The following LRRC40 variants were observed in gnomAD, a reference collection of about 807,000 sequenced individuals.
LRRC40 encodes leucine rich repeat containing 40.
Under a neutral mutation model 72.8 loss-of-function variants are expected in LRRC40, and 76 were observed. The observed-to-expected ratio is 1.04, with a 90% confidence interval of 0.87 to 1.26. LRRC40 has a LOEUF of 1.26. LRRC40 is among the 50% of genes most tolerant of loss of function. LRRC40 has a pLI of 0.00. For synonymous variants in LRRC40, 243 were observed against 254.2 expected, an observed-to-expected ratio of 0.96 and a Z score of 0.42; for missense variants, 684 against 698.9, an observed-to-expected ratio of 0.98 and a Z score of 0.24.
chr1:70,161,468 T>C (rs1232172589), intron 9 of LRRC40, among the ~76,000 whole-genome samples: 4 of 148,968 alleles, frequency 2.7e-5, no homozygotes, highest in Non-Finnish European at 4.5e-5. Flanking sequence ...AGGAGAATGG[T>C]GTGAAGCCGG....
At chr1:70,175,245 G>A (rs1166193200) in intron 7 of LRRC40, among the ~76,000 whole-genome samples, 1 of 152,136 alleles carries the variant, frequency 6.6e-6, no homozygotes, top group Non-Finnish European at 1.5e-5. Flanking sequence ...TTGAATGTCA[G>A]GCTAAAAAGT....
chr1:70,199,213 T>TCACACA (rs1301228532), intron 1 of LRRC40, among the ~76,000 whole-genome samples: 15 of 81,910 alleles, frequency 1.8e-4, no homozygotes, highest in African/African-American at 8.5e-4. Flanking sequence ...TTATACATAG[T>TCACACA]CTCACACACA....
intron 5 of LRRC40, chr1:70,180,103 AG>A (rs1292310866): frequency 1.3e-5 from 2 of 152,160 alleles, no homozygotes; most frequent in African/African-American, 4.8e-5. Context: ...ACAAAATAAC[AG>A]TTTTTTTATT....
Position 70,173,522 on chromosome 1 carries a change from G to C in LRRC40, c.1066-12C>G. On this transcript the variant is annotated splice_polypyrimidine_tract_variant and intron_variant, in intron 8 of 14. Coordinates refer to ENST00000370952, the MANE Select transcript of LRRC40 (RefSeq NM_017768.5). ...TCTTGTGTTCCTTTCTAGAAGGGTG[G>C]AGACAAAGACATTCACCAAGACATG... is the stretch of plus-strand genomic sequence containing the variant. 6.2e-7 allele frequency: 1 copy of C among 1,601,544 alleles called. No homozygotes were observed.
intron 9 of LRRC40, among the ~76,000 whole-genome samples, chr1:70,168,658 G>A (rs1249599573): frequency 6.6e-6 from 1 of 152,220 alleles, no homozygotes; most frequent in Non-Finnish European, 1.5e-5. Flanking sequence ...CTGTATACAA[G>A]CAGACTGTAC....
At chr1:70,159,210 C>A in intron 10 of LRRC40, 120 bp downstream of exon 10, 1 of 426,188 alleles carries the variant, frequency 2.3e-6, no homozygotes, top group East Asian at 3.6e-5. Flanking sequence ...AGCCTATAAT[C>A]CTAGCACTTT....
chr1:70,184,652 A>G, intron 4 of LRRC40, 133 bp downstream of exon 4: 1 of 851,300 alleles, frequency 1.2e-6, no homozygotes, highest in Non-Finnish European at 1.8e-6. Flanking sequence ...ATTGAAATGC[A>G]CATTTCTGAT....
intron 7 of LRRC40, among the ~76,000 whole-genome samples, chr1:70,175,220 G>C (rs189159103): frequency 4.6e-5 from 7 of 152,282 alleles, no homozygotes; most frequent in Non-Finnish European, 1.0e-4. Flanking sequence ...AATTAAGTCT[G>C]ATTGTAAGGC....
Position 70,148,633 on chromosome 1 carries a change from T to C in LRRC40, c.1557A>G (p.Thr519=). ...MLPEVLYRIF[T]LETILISNNQ... is the part of the protein sequence containing the mutation. ...TATTACTAATCAGAATTGTTTCAAG[T>C]GTGAAGATACGATATAGAACTTCAG... The change falls in exon 14 of 15, where the codon ACA becomes ACG. Residue 519 remains threonine, a synonymous_variant. Coordinates refer to ENST00000370952, the MANE Select transcript of LRRC40 (RefSeq NM_017768.5). The C allele has an allele frequency of 3.1e-6, 5 of 1,612,426 alleles. No individual in the cohort carries two copies. The highest frequency in any genetic ancestry group is 3.4e-6 in the Non-Finnish European group (4 of 1,178,822).
At chr1:70,156,403 T>C (rs1259288279) in intron 10 of LRRC40, among the ~76,000 whole-genome samples, 1 of 152,132 alleles carries the variant, frequency 6.6e-6, no homozygotes, top group African/African-American at 2.4e-5. Context: ...CTACCATTAA[T>C]GAGCTTTATA....
Position 70,196,388 on chromosome 1 carries a change from A to G in LRRC40, c.152-7115T>C, listed in dbSNP as rs182617124. The stretch of plus-strand genomic sequence containing the variant: ...AAAAGAGCAAGACTTCGTCTCTATT[A>G]AAAACAAAAAAATTAGCCAGGCATG... On this transcript the variant is annotated intron_variant, in intron 1 of 14. Transcript: ENST00000370952. Among the ~76,000 whole-genome samples, 146 of 152,264 alleles carry G rather than the reference A, an allele frequency of 9.6e-4. 1 individual carries two copies. The highest frequency in any genetic ancestry group is 1.8e-3 in the Admixed American group (27 of 15,304).
chr1:70,173,670 C>A lies in LRRC40; in HGVS notation c.1017G>T (p.Leu339Phe). 6.4e-7 allele frequency: 1 copy of A among 1,567,708 alleles called. No homozygotes were observed. Among genetic ancestry groups the A allele is most frequent in the Non-Finnish European group, 8.7e-7 (1 of 1,149,366 alleles). ...YSLGNLHLKF[L>F]ALEGNPLRTI... ...TTCTCAAAGGATTTCCTTCTAATGC[C>A]AAAAATTTCAAATGAAGGTTCCCCA... The change falls in exon 8 of 15, where the codon TTG becomes TTT. Residue 339 changes from leucine to phenylalanine, a missense_variant. Transcript: ENST00000370952.
chr1:70,157,087 A>G (rs1304319104), intron 10 of LRRC40, among the ~76,000 whole-genome samples: 2 of 152,214 alleles, frequency 1.3e-5, no homozygotes, highest in African/African-American at 4.8e-5. Context: ...CGGAATGCCA[A>G]ATGAATGACT....
intron 1 of LRRC40, among the ~76,000 whole-genome samples, chr1:70,197,202 T>C (rs1668630676): frequency 7.9e-6 from 1 of 126,340 alleles, no homozygotes; most frequent in Non-Finnish European, 1.6e-5. Flanking sequence ...CCAACATGAG[T>C]ACAGGCTTCC....
chr1:70,148,644 G>A lies in LRRC40; in HGVS notation c.1546C>T (p.Arg516Cys), dbSNP rs760500758. ...AGAATTGTTTCAAGTGTGAAGATAC[G>A]ATATAGAACTTCAGGTAGCATTTTA... ...RFKMLPEVLY[R>C]IFTLETILIS... The change falls in exon 14 of 15, where the codon CGT (arginine) becomes TGT (cysteine). Residue 516 changes from arginine (R) to cysteine (C), a missense_variant. Arg to Cys is a radical substitution (Grantham distance 180). Coordinates refer to ENST00000370952, the MANE Select transcript of LRRC40 (RefSeq NM_017768.5). The A allele has an allele frequency of 1.2e-5, 19 of 1,609,858 alleles. 1 individual carries two copies. Among genetic ancestry groups the A allele is most frequent in the South Asian group, 8.8e-5 (8 of 90,712 alleles).
intron 9 of LRRC40, among the ~76,000 whole-genome samples, chr1:70,161,205 C>G (rs1667752233): frequency 6.6e-6 from 1 of 151,554 alleles, no homozygotes. Flanking sequence ...CTGCCTCAGC[C>G]TCCCGAGTAG....
intron 9 of LRRC40, among the ~76,000 whole-genome samples, chr1:70,169,901 G>A (rs781224109): frequency 2.6e-5 from 4 of 151,856 alleles, no homozygotes; most frequent in Non-Finnish European, 5.9e-5. Context: ...CAAAATAGGA[G>A]GGAACATTTC....
rs1238099504 is a variant in LRRC40 at position 70,184,680 on chromosome 1, A to G, written c.537+105T>C. 8 of 1,046,194 alleles carry G rather than the reference A, an allele frequency of 7.6e-6. No individual in the cohort carries two copies. In the Admixed American group the frequency reaches 2.2e-4, roughly 28 times the overall value. 64.8% of individuals were successfully genotyped at this position (1,046,194 alleles called of 1,614,324 possible). ...TTTCTGATAATCTAATCACAAAATC[A>G]GCTGTCCATGTTCCCACAGTTTCAA... On this transcript the variant is annotated intron_variant, in intron 4 of 14. Coordinates refer to ENST00000370952, the MANE Select transcript of LRRC40 (RefSeq NM_017768.5).
chr1:70,156,700 A>G (rs1667645164), intron 10 of LRRC40, among the ~76,000 whole-genome samples: 1 of 152,146 alleles, frequency 6.6e-6, no homozygotes, highest in Non-Finnish European at 1.5e-5. Flanking sequence ...GTGACTAAGG[A>G]TGGGCAGCAT....
Sources: gnomAD v4.1 joint callset for allele counts (sites outside exome capture counted in the v4.1 genomes callset) on GRCh38, gnomAD v4.1.1 for gene constraint, MANE v1.5 for transcripts, NCBI Gene and HGNC (gene_info 2026-07-23, HGNC 2026-07-21) for gene names.